The following TXNRD2 variants were observed in gnomAD, a reference collection of about 807,000 sequenced individuals.
The protein encoded by TXNRD2 is thioredoxin reductase 2, mitochondrial.
In TXNRD2, 67 loss-of-function variants were observed where a neutral mutation model predicts 70.8. That is an observed-to-expected ratio of 0.95 (90% CI 0.78 to 1.16). The LOEUF (loss-of-function observed/expected upper bound fraction) is 1.16, where lower values mean the gene tolerates loss of function less well. Ranked by LOEUF, TXNRD2 falls within the 50% of genes most tolerant of loss-of-function variation. The probability of loss-of-function intolerance (pLI) is 0.00; values close to 1 mark genes in which losing one functional copy is unlikely to be tolerated. For synonymous variants in TXNRD2, 301 were observed against 295.8 expected, an observed-to-expected ratio of 1.02 and a Z score of -0.18; for missense variants, 644 against 719.9, an observed-to-expected ratio of 0.89 and a Z score of 1.21.
chr22:19,909,544 T>TAC lies in TXNRD2; in HGVS notation c.662+1832_662+1833insGT, dbSNP rs1315769488. On this transcript the variant is annotated intron_variant, in intron 8 of 17. Coordinates refer to ENST00000400521, the MANE Select transcript of TXNRD2 (RefSeq NM_006440.5). ...CACACACACACACCACACACACACA[T>TAC]AACCACTCACACACTACTCACATAC... 3.0e-4 allele frequency among the ~76,000 whole-genome samples: 12 copies of TAC among 39,688 alleles called. No individual in the cohort carries two copies. In the East Asian group the frequency reaches 0.011, roughly 37 times the overall value. 26.0% of individuals were successfully genotyped at this position (39,688 alleles called of 152,430 possible).
intron 10 of TXNRD2, among the ~76,000 whole-genome samples, chr22:19,895,998 A>T (rs1051171070): frequency 3.3e-5 from 5 of 152,016 alleles, no homozygotes; most frequent in Non-Finnish European, 5.9e-5. Flanking sequence ...CTCTATCTCT[A>T]AAAGAAAAAA....
rs771287816 is a variant in TXNRD2 at position 19,925,066 on chromosome 22, C to T, written c.173-5467G>A. 2.8e-4 allele frequency among the ~76,000 whole-genome samples: 42 copies of T among 149,880 alleles called. 1 individual carries two copies. The highest frequency in any genetic ancestry group is 5.8e-4 in the Non-Finnish European group (39 of 67,550). On this transcript the variant is annotated intron_variant, in intron 2 of 17. Coordinates refer to ENST00000400521, the MANE Select transcript of TXNRD2 (RefSeq NM_006440.5). ...TTGGGAGGCCAAGGGGGGCGGATCACAAGGTCAGGAGATCGAGACCATCCT... is the reference window on the plus strand; with the variant it reads ...TTGGGAGGCCAAGGGGGGCGGATCATAAGGTCAGGAGATCGAGACCATCCT...
rs541051194 is a variant in TXNRD2 at position 19,932,340 on chromosome 22, T to C, written c.104-1242A>G. On this transcript the variant is annotated intron_variant, in intron 1 of 17. Transcript: ENST00000400521. ...ATCCCTGGAATTCCTTTTGGGCTGG[T>C]TGTGGTGTCGCCTCACCTTGGTCCT... 1.9e-5 allele frequency: 30 copies of C among 1,612,562 alleles called. No homozygotes were observed. In the South Asian group the frequency reaches 2.4e-4, roughly 13 times the overall value.
intron 15 of TXNRD2, 49 bp from the exon 16 acceptor site, chr22:19,878,236 G>A (rs201635250): frequency 7.3e-5 from 117 of 1,598,884 alleles, no homozygotes; most frequent in East Asian, 1.1e-4. Flanking sequence ...GCTGGGTTGC[G>A]TCCACCCTGC....
At chr22:19,882,053 A>G (rs143155346) in intron 12 of TXNRD2, among the ~76,000 whole-genome samples, 2 of 152,316 alleles carry the variant, frequency 1.3e-5, no homozygotes, top group Admixed American at 1.3e-4. Context: ...AATTGCAGAG[A>G]AACTGTAAGA....
chr22:19,936,489 C>T (rs1941543617), intron 1 of TXNRD2, among the ~76,000 whole-genome samples: 1 of 152,138 alleles, frequency 6.6e-6, no homozygotes, highest in African/African-American at 2.4e-5. Context: ...CTTCCCTCTC[C>T]AAACCTTTAC....
At chr22:19,895,638 T>C (rs1939473616) in intron 10 of TXNRD2, 57 bp from the exon 11 acceptor site, 1 of 1,593,392 alleles carries the variant, frequency 6.3e-7, no homozygotes, top group Admixed American at 1.7e-5. Flanking sequence ...AGAGAGGCTC[T>C]GGCCCTGCCC....
At chr22:19,882,889 G>A (rs576832216) in intron 12 of TXNRD2, among the ~76,000 whole-genome samples, 55 of 152,392 alleles carry the variant, frequency 3.6e-4, no homozygotes, top group African/African-American at 1.3e-3. Context: ...GCAAGCCAGA[G>A]GATACTGAGG....
At position 19,899,032 on chromosome 22, in the gene TXNRD2, A is replaced by G; in HGVS notation, c.682+17T>C. ...TCCAGTTCCCAGGACGGCCACCTGC[A>G]CGCTTGCAAAGGATACAGCTGGCCC... On this transcript the variant is annotated intron_variant, in intron 9 of 17. Coordinates refer to ENST00000400521, the MANE Select transcript of TXNRD2 (RefSeq NM_006440.5). 6.2e-7 allele frequency: 1 copy of G among 1,605,988 alleles called. No individual in the cohort carries two copies. Among genetic ancestry groups the G allele is most frequent in the African/African-American group, 1.3e-5 (1 of 75,058 alleles).
At chr22:19,924,647 C>T (rs943170620) in intron 2 of TXNRD2, among the ~76,000 whole-genome samples, 8 of 152,102 alleles carry the variant, frequency 5.3e-5, no homozygotes, top group African/African-American at 1.9e-4. Context: ...ATACACTGGA[C>T]GGGATTAATG....
intron 11 of TXNRD2, among the ~76,000 whole-genome samples, chr22:19,886,489 G>A (rs986852859): frequency 4.6e-5 from 7 of 152,264 alleles, no homozygotes; most frequent in Non-Finnish European, 1.0e-4. Context: ...ACTGGGGCCC[G>A]AATGCTGTGA....
intron 1 of TXNRD2, among the ~76,000 whole-genome samples, chr22:19,934,117 T>C (rs960200088): frequency 2.6e-5 from 4 of 152,216 alleles, no homozygotes; most frequent in Admixed American, 6.5e-5. Context: ...GGGGCCCTCC[T>C]GTATGGCTGC....
At chr22:19,901,130 G>A (rs1363561817) in intron 8 of TXNRD2, among the ~76,000 whole-genome samples, 3 of 152,220 alleles carry the variant, frequency 2.0e-5, no homozygotes, top group Non-Finnish European at 4.4e-5. Flanking sequence ...TGCCACAAAT[G>A]TTTGCTGTCT....
At chr22:19,891,925 G>T (rs545138649) in intron 11 of TXNRD2, among the ~76,000 whole-genome samples, 2 of 152,248 alleles carry the variant, frequency 1.3e-5, no homozygotes, top group South Asian at 4.1e-4. Flanking sequence ...GGCCCACTTC[G>T]CAATGCCAAT....
chr22:19,877,955 G>A, intron 16 of TXNRD2, 135 bp downstream of exon 16: 1 of 780,818 alleles, frequency 1.3e-6, no homozygotes, highest in Non-Finnish European at 2.2e-6. Context: ...AGGGGCCTGA[G>A]GAATCTCTGC....
chr22:19,878,215 C>G (rs545608607), intron 15 of TXNRD2, 28 bp from the exon 16 acceptor site: 11 of 1,609,782 alleles, frequency 6.8e-6, no homozygotes, highest in Non-Finnish European at 8.5e-6. Context: ...CAGCCACCAG[C>G]CCAGGAGGGG....
At chr22:19,895,019 G>A (rs754634576) in intron 11 of TXNRD2, 1 of 1,534,042 alleles carries the variant, frequency 6.5e-7, no homozygotes, top group Admixed American at 2.0e-5. Context: ...AAACCTGGAA[G>A]GTGACAAGTA....
intron 1 of TXNRD2, among the ~76,000 whole-genome samples, chr22:19,934,835 T>C (rs1941488134): frequency 6.6e-6 from 1 of 152,166 alleles, no homozygotes; most frequent in African/African-American, 2.4e-5. Context: ...GTGCTAGGAT[T>C]ACAGGCATGA....
chr22:19,876,342 G>A (rs1310304858), intron 17 of TXNRD2: 2 of 152,354 alleles, frequency 1.3e-5, no homozygotes, highest in Non-Finnish European at 2.9e-5. Context: ...CACGGGCTGA[G>A]GGCCCACCCT....
Sources: gnomAD v4.1 joint callset for allele counts (sites outside exome capture counted in the v4.1 genomes callset) on GRCh38, gnomAD v4.1.1 for gene constraint, MANE v1.5 for transcripts, NCBI Gene and HGNC (gene_info 2026-07-23, HGNC 2026-07-21) for gene names.